Variants in QTMAN observed in about 807,000 individuals in gnomAD.
QTMAN encodes the protein tRNA-queuosine alpha-mannosyltransferase.
the QTMAN span, chr2:144,007,254 ACAGT>A: frequency 1.2e-6 from 2 of 1,613,174 alleles, no homozygotes; most frequent in Non-Finnish European, 1.7e-6. Flanking sequence ...ACAGGGATCA[ACAGT>A]CAGATTTTGT....
the QTMAN span, among the ~76,000 whole-genome samples, chr2:144,002,903 C>T: frequency 6.6e-6 from 1 of 151,952 alleles, no homozygotes. Flanking sequence ...TCTTCATAAA[C>T]TTCTACCAAA....
At chr2:144,069,621 T>C in the QTMAN span, among the ~76,000 whole-genome samples, 2 of 152,112 alleles carry the variant, frequency 1.3e-5, no homozygotes, top group African/African-American at 4.8e-5. Context: ...GATTTCCTTT[T>C]TTCAAGCCTG....
At chr2:144,047,184 T>C in the QTMAN span, among the ~76,000 whole-genome samples, 1 of 152,096 alleles carries the variant, frequency 6.6e-6, no homozygotes, top group South Asian at 2.1e-4. Context: ...GGCAGGAGAA[T>C]TGCTTGAGCC....
chr2:144,157,826 G>A, the QTMAN span, among the ~76,000 whole-genome samples: 1 of 151,480 alleles, frequency 6.6e-6, no homozygotes, highest in Non-Finnish European at 1.5e-5. Flanking sequence ...TATCTATATG[G>A]TATCTATATA....
At chr2:144,234,329 T>C in the QTMAN span, among the ~76,000 whole-genome samples, 5 of 152,254 alleles carry the variant, frequency 3.3e-5, no homozygotes, top group East Asian at 1.9e-4. Flanking sequence ...CAACTAAATA[T>C]ACTATCTGAA....
chr2:144,046,304 G>C, the QTMAN span, among the ~76,000 whole-genome samples: 1 of 152,216 alleles, frequency 6.6e-6, no homozygotes, highest in Non-Finnish European at 1.5e-5. Context: ...AGCTAAATAA[G>C]AAATAGTAAA....
the QTMAN span, among the ~76,000 whole-genome samples, chr2:144,165,390 T>TATAA: frequency 8.8e-4 from 133 of 151,260 alleles, no homozygotes; most frequent in African/African-American, 1.8e-3. Context: ...AATAAATAAA[T>TATAA]ATAAATAAAT....
chr2:144,324,635 A>G, the QTMAN span, among the ~76,000 whole-genome samples: 38 of 152,284 alleles, frequency 2.5e-4, no homozygotes, highest in African/African-American at 8.9e-4. Flanking sequence ...AATTGCTCAC[A>G]AGGTCCGGAC....
chr2:143,938,340 C>T, the QTMAN span: 1 of 152,220 alleles, frequency 6.6e-6, no homozygotes, highest in Admixed American at 6.5e-5. Flanking sequence ...CCCGAATTCT[C>T]CACAGAAGGT....
chr2:144,010,867 G>A, the QTMAN span, among the ~76,000 whole-genome samples: 2 of 152,078 alleles, frequency 1.3e-5, no homozygotes, highest in South Asian at 2.1e-4. Context: ...CAGGAGTAAC[G>A]GGATGAAATT....
At chr2:144,145,471 A>T in the QTMAN span, 25 of 737,122 alleles carry the variant, frequency 3.4e-5, no homozygotes, top group East Asian at 6.2e-4. Context: ...ATGGTGTTTT[A>T]AAAAAAGGTG....
At chr2:144,146,343 G>T in the QTMAN span, among the ~76,000 whole-genome samples, 1 of 150,430 alleles carries the variant, frequency 6.6e-6, no homozygotes, top group South Asian at 2.1e-4. Context: ...GACTGCTAAT[G>T]GTACCAGATG....
chr2:144,142,845 C>A, the QTMAN span, among the ~76,000 whole-genome samples: 6,716 of 151,982 alleles, frequency 0.044, 490 homozygotes, highest in African/African-American at 0.15. Context: ...TAATACCAGT[C>A]CGCAACAACA....
At chr2:143,953,398 C>T in the QTMAN span, among the ~76,000 whole-genome samples, 1 of 151,808 alleles carries the variant, frequency 6.6e-6, no homozygotes, top group African/African-American at 2.4e-5. Context: ...ACTCTTCCCC[C>T]TTTTGTTGAA....
the QTMAN span, among the ~76,000 whole-genome samples, chr2:144,027,390 C>A: frequency 6.6e-6 from 1 of 152,132 alleles, no homozygotes; most frequent in Non-Finnish European, 1.5e-5. Flanking sequence ...CCTTTACTGG[C>A]CTCACCATTC....
chr2:144,267,448 A>G, the QTMAN span, among the ~76,000 whole-genome samples: 3 of 152,182 alleles, frequency 2.0e-5, no homozygotes, highest in Admixed American at 2.0e-4. Flanking sequence ...ATAACCCTCT[A>G]CATTTGGCTA....
the QTMAN span, among the ~76,000 whole-genome samples, chr2:144,068,964 C>T: frequency 0.59 from 89,709 of 151,890 alleles, 27,556 homozygotes; most frequent in East Asian, 0.82. Context: ...CCTAATATAG[C>T]GGTTTATCTT....
chr2:144,045,568 C>T, the QTMAN span, among the ~76,000 whole-genome samples: 6 of 152,122 alleles, frequency 3.9e-5, no homozygotes, highest in African/African-American at 1.4e-4. Context: ...CTTGGAGAGT[C>T]ATGAATGTAT....
the QTMAN span, among the ~76,000 whole-genome samples, chr2:144,217,143 A>T: frequency 6.6e-6 from 1 of 152,162 alleles, no homozygotes. Context: ...CCATTCGGAT[A>T]CGAATGCCCA....
Sources: allele counts gnomAD v4.1 joint callset (sites outside exome capture counted in the v4.1 genomes callset), GRCh38; gene constraint gnomAD v4.1.1; transcripts MANE v1.5; gene names NCBI Gene and HGNC (gene_info 2026-07-23, HGNC 2026-07-21).